DAB1: variants seen among roughly 807,000 people sequenced by gnomAD.
DAB1 encodes the protein DAB adaptor protein 1, also known as disabled homolog 1.
Under a neutral mutation model 64.6 loss-of-function variants are expected in DAB1, and 15 were observed. The ratio of observed to expected loss-of-function variants is 0.23; its 90% CI spans 0.16 to 0.36. The LOEUF (loss-of-function observed/expected upper bound fraction) is 0.36, where lower values mean the gene tolerates loss of function less well. Ranked by LOEUF, DAB1 falls within the 10% of genes least tolerant of loss-of-function variation. DAB1 has a pLI of 1.00. For missense variants in DAB1, 596 were observed against 706.7 expected (o/e 0.84, Z 1.78); for synonymous variants, 235 against 251.9 (o/e 0.93, Z 0.64).
intron 4 of DAB1, among the ~76,000 whole-genome samples, chr1:58,274,621 A>G (rs1167498973): frequency 6.6e-6 from 1 of 151,668 alleles, no homozygotes; most frequent in African/African-American, 2.4e-5. Flanking sequence ...GCCGCCTTGC[A>G]GTTTGATCTC....
intron 4 of DAB1, among the ~76,000 whole-genome samples, chr1:58,158,147 A>G (rs1553164119): frequency 6.6e-6 from 1 of 152,120 alleles, no homozygotes; most frequent in Non-Finnish European, 1.5e-5. Flanking sequence ...GCATGGAGAA[A>G]GGAAGACCAA....
chr1:57,873,501 T>C (rs1643989959), intron 1 of DAB1, among the ~76,000 whole-genome samples: 1 of 152,180 alleles, frequency 6.6e-6, no homozygotes, highest in Non-Finnish European at 1.5e-5. Context: ...GGAAGCCAAG[T>C]AGTTTCACAA....
intron 14 of DAB1, among the ~76,000 whole-genome samples, chr1:57,010,214 C>T (rs748057742): frequency 2.2e-4 from 33 of 152,122 alleles, no homozygotes; most frequent in African/African-American, 2.9e-4. Context: ...GACCATGGCT[C>T]ACTGAGAAAT....
At position 58,368,152 on chromosome 1, in the gene DAB1, G is replaced by A. The variant is rs539374724; in HGVS notation, n.258-24749C>T. 2.0e-5 allele frequency among the ~76,000 whole-genome samples: 3 copies of A among 152,278 alleles called. No individual in the cohort carries two copies. The South Asian group carries it at 6.2e-4, about 32-fold the overall frequency. On this transcript the variant is annotated intron_variant and non_coding_transcript_variant, in intron 3 of 20. Coordinates refer to the DAB1 transcript ENST00000485760. ...CTAGTAGGTAAGCAGAATTTAAAAT[G>A]TACTTACTGGGCTGGCAGGGGTAAT...
chr1:57,071,489 ATCTC>A (rs748248461), intron 6 of DAB1, 29 bp downstream of exon 6: 38 of 1,595,026 alleles, frequency 2.4e-5, no homozygotes, highest in Non-Finnish European at 3.1e-5. Context: ...TGAAGGCCCG[ATCTC>A]CAGCGCAAGG....
intron 7 of DAB1, among the ~76,000 whole-genome samples, chr1:57,575,469 C>G (rs897988482): frequency 6.6e-6 from 1 of 152,042 alleles, no homozygotes; most frequent in Middle Eastern, 3.2e-3. Context: ...GGTCCCACAT[C>G]GAAAAGTTGA....
chr1:57,926,534 T>C (rs1247073297), intron 5 of DAB1, among the ~76,000 whole-genome samples: 1 of 152,186 alleles, frequency 6.6e-6, no homozygotes, highest in Non-Finnish European at 1.5e-5. Context: ...CCCAACTCTG[T>C]GACATTAGGC....
intron 1 of DAB1, among the ~76,000 whole-genome samples, chr1:57,407,225 T>A (rs906449501): frequency 1.3e-5 from 2 of 152,232 alleles, no homozygotes; most frequent in African/African-American, 4.8e-5. Context: ...AATGTCAAAC[T>A]GTCTCCTAAC....
chr1:57,534,736 C>T (rs1007448354), intron 7 of DAB1, among the ~76,000 whole-genome samples: 1 of 152,122 alleles, frequency 6.6e-6, no homozygotes, highest in African/African-American at 2.4e-5. Flanking sequence ...CCTTGCTCTC[C>T]TACTAGTGCC....
intron 2 of DAB1, among the ~76,000 whole-genome samples, chr1:57,237,613 T>G (rs1668190387): frequency 6.6e-6 from 1 of 152,208 alleles, no homozygotes; most frequent in Non-Finnish European, 1.5e-5. Context: ...TAACTACTGT[T>G]TAATATCACT....
At chr1:58,481,870 T>G (rs1028709628) in intron 3 of DAB1, among the ~76,000 whole-genome samples, 1 of 152,234 alleles carries the variant, frequency 6.6e-6, no homozygotes, top group African/African-American at 2.4e-5. Context: ...CCTTCCACCA[T>G]GATTGTGAGG....
intron 5 of DAB1, among the ~76,000 whole-genome samples, chr1:57,907,091 TCACATGC>T (rs956731119): frequency 1.4e-4 from 22 of 152,198 alleles, no homozygotes; most frequent in African/African-American, 5.1e-4. Context: ...TATAATTACG[TCACATGC>T]CAATTAAGCA....
chr1:58,139,746 A>G lies in DAB1; in HGVS notation n.387+10765T>C, dbSNP rs139074038. Among the ~76,000 whole-genome samples, 7 of 152,276 alleles carry G rather than the reference A, an allele frequency of 4.6e-5. No homozygotes were observed. The East Asian group carries it at 1.4e-3, about 29-fold the overall frequency. Reference sequence around the variant, plus strand: ...TGCTAAAAGATGTAATTTGATTTGAACCTGGTCAGACCACTTCCTAGATGT... The same window carrying G: ...TGCTAAAAGATGTAATTTGATTTGAGCCTGGTCAGACCACTTCCTAGATGT... On this transcript the variant is annotated intron_variant and non_coding_transcript_variant, in intron 5 of 20. Coordinates refer to the DAB1 transcript ENST00000485760.
chr1:57,696,269 G>C (rs1646844108), intron 6 of DAB1, among the ~76,000 whole-genome samples: 1 of 152,094 alleles, frequency 6.6e-6, no homozygotes. Context: ...CCGGGAAACA[G>C]GCCTGAGATG....
chr1:58,309,393 A>G (rs1662378494), intron 4 of DAB1, among the ~76,000 whole-genome samples: 2 of 152,152 alleles, frequency 1.3e-5, no homozygotes, highest in South Asian at 4.1e-4. Context: ...CCACAAACAC[A>G]TTATAGGTAT....
intron 4 of DAB1, among the ~76,000 whole-genome samples, chr1:58,222,880 C>A (rs1216604773): frequency 6.6e-6 from 1 of 152,148 alleles, no homozygotes; most frequent in Non-Finnish European, 1.5e-5. Context: ...TGGGTATTAT[C>A]CCATTTTACA....
intron 1 of DAB1, among the ~76,000 whole-genome samples, chr1:58,531,236 T>C (rs931467154): frequency 6.6e-6 from 1 of 152,264 alleles, no homozygotes; most frequent in Middle Eastern, 3.4e-3. Context: ...ATGAAGCACT[T>C]AAAACAAGAA....
At chr1:57,644,024 T>C (rs905293445) in intron 7 of DAB1, among the ~76,000 whole-genome samples, 8 of 152,242 alleles carry the variant, frequency 5.3e-5, no homozygotes, top group Admixed American at 2.0e-4. Flanking sequence ...TTCTAAATTC[T>C]GTGATTTCCT....
At chr1:57,416,652 G>A (rs1395527158) in intron 1 of DAB1, among the ~76,000 whole-genome samples, 2 of 152,104 alleles carry the variant, frequency 1.3e-5, no homozygotes, top group Non-Finnish European at 2.9e-5. Flanking sequence ...AATAAAAAAT[G>A]ATTTTCAAGT....
Sources: allele counts gnomAD v4.1 joint callset (sites outside exome capture counted in the v4.1 genomes callset), GRCh38; gene constraint gnomAD v4.1.1; transcripts MANE v1.5; gene names NCBI Gene and HGNC (gene_info 2026-07-23, HGNC 2026-07-21).